The following FAAP100 variants were observed in gnomAD, a reference collection of about 807,000 sequenced individuals.
FAAP100 encodes Fanconi anemia core complex-associated protein 100.
In FAAP100, 46 loss-of-function variants were observed where a neutral mutation model predicts 65.8. That is an observed-to-expected ratio of 0.70 (90% CI 0.55 to 0.89). The LOEUF is 0.89. Among genes scored for constraint, FAAP100 ranks in the 40% least tolerant of loss-of-function variants. FAAP100 has a pLI of 0.00. For synonymous variants in FAAP100, 663 were observed against 555.1 expected, an observed-to-expected ratio of 1.19 and a Z score of -2.73; for missense variants, 1,165 against 1,196.7, an observed-to-expected ratio of 0.97 and a Z score of 0.39.
chr17:81,541,665 T>A (rs1222601555), intron 7 of FAAP100, among the ~76,000 whole-genome samples: 1 of 152,174 alleles, frequency 6.6e-6, no homozygotes, highest in African/African-American at 2.4e-5. Flanking sequence ...ATCTTCCCTG[T>A]CCCCAAGAGC....
At position 81,550,579 on chromosome 17, in the gene FAAP100, C is replaced by T. The variant is rs1240601198; in HGVS notation, c.915G>A (p.Glu305=). ...CCACCAGGCAGTCACAGTGCACATC[C>T]TCGTCAGGCAGAAAATTCTCTGCAG... The part of the protein sequence containing the change: ...AEAAENFLPD[E]DVHCDCLVAF... Residue 305 remains glutamate, a synonymous_variant, in exon 3 of 9, where the codon GAG becomes GAA. Coordinates refer to ENST00000327787, the MANE Select transcript of FAAP100 (RefSeq NM_025161.6). 1.9e-6 allele frequency: 3 copies of T among 1,612,808 alleles called. No individual in the cohort carries two copies. Among genetic ancestry groups the T allele is most frequent in the East Asian group, 2.2e-5 (1 of 44,888 alleles).
Position 81,544,031 on chromosome 17 carries a change from C to A in FAAP100, c.2400G>T (p.Ala800=), listed in dbSNP as rs546151332. ...GCATGCGCCCGACAACGGCATGGTG[C>A]GCCCTGCAAATGTCGGCCAGAGAGG... ...ESSSLADICR[A]HHAVVGRMQT... Residue 800 remains alanine (A), a synonymous_variant, in exon 7 of 9, where the codon GCG becomes GCT. Transcript: ENST00000327787. 1 of 1,612,540 alleles carries A rather than the reference C, an allele frequency of 6.2e-7. No homozygotes were observed. The highest frequency in any genetic ancestry group is 2.2e-5 in the East Asian group (1 of 44,878).
At chr17:81,541,173 T>C in intron 8 of FAAP100, 136 bp downstream of exon 8, 1 of 1,158,268 alleles carries the variant, frequency 8.6e-7, no homozygotes, top group Non-Finnish European at 1.2e-6. Flanking sequence ...CCGCTCGGAC[T>C]TTGCCCCAGG....
In FAAP100 at chr17:81,550,819, G is replaced by A. The variant is rs761687779; in HGVS notation, c.675C>T (p.Phe225=). 3.8e-5 allele frequency: 61 copies of A among 1,612,314 alleles called. No individual in the cohort carries two copies. The highest frequency in any genetic ancestry group is 3.7e-4 in the African/African-American group (28 of 75,046). ...SGGFTLEDAL[F]GLLFGADATL... ...TGGCATCAGCTCCAAAGAGGAGCCC[G>A]AAGAGGGCGTCCTCCAGCGTGAAGC... The change falls in exon 3 of 9, where the codon TTC becomes TTT. Residue 225 remains phenylalanine (F), a synonymous_variant. Transcript: ENST00000327787.
In FAAP100 at chr17:81,547,333, G is replaced by A. The variant is rs765278579; in HGVS notation, c.1749C>T (p.Pro583=). The change falls in exon 5 of 9, where the codon CCC becomes CCT. Residue 583 remains proline, a synonymous_variant. Transcript: ENST00000327787. The part of the protein sequence containing the change: ...GPGARREVTL[P]LGPGENGGLD... ...GCCCGCCGTTCTCACCAGGGCCCAG[G>A]GGTAGCGTCACCTCCCGCCGAGCAC... is the stretch of plus-strand genomic sequence containing the variant. 3 of 1,612,572 alleles carry A rather than the reference G, an allele frequency of 1.9e-6. No homozygotes were observed. Among genetic ancestry groups the A allele is most frequent in the East Asian group, 4.5e-5 (2 of 44,898 alleles).
chr17:81,552,084 G>A (rs771666951), intron 1 of FAAP100, 32 bp from the exon 2 acceptor site: 3 of 1,456,134 alleles, frequency 2.1e-6, no homozygotes, highest in Admixed American at 5.4e-5. Context: ...AGGCCGACGC[G>A]ACGCGCGGGC....
At chr17:81,552,735 T>C (rs1354344487), upstream of FAAP100, among the ~76,000 whole-genome samples, 1 of 152,146 alleles carries the variant, frequency 6.6e-6, no homozygotes, top group Non-Finnish European at 1.5e-5. Flanking sequence ...AACGCCTCGA[T>C]TCTCTGGGCT....
At chr17:81,543,872 C>T (rs2033201809) in intron 7 of FAAP100, 132 bp downstream of exon 7, 5 of 801,072 alleles carry the variant, frequency 6.2e-6, no homozygotes, top group South Asian at 3.4e-5. Flanking sequence ...AGCGGCAGAG[C>T]AGACTTGGAT....
chr17:81,543,557 G>A (rs1209770374), intron 7 of FAAP100, among the ~76,000 whole-genome samples: 1 of 152,136 alleles, frequency 6.6e-6, no homozygotes, highest in Non-Finnish European at 1.5e-5. Flanking sequence ...CTGGGGCTGT[G>A]AGTGGGGGGA....
rs1215532074 is a variant in FAAP100, at chr17:81,550,826, G to GCGT, written c.665_667dup (p.Asp222dup). ...AGCTCCAAAGAGGAGCCCGAAGAGG[G>GCGT]CGTCCTCCAGCGTGAAGCCCCCGGA... On this transcript the variant is annotated inframe_insertion, in exon 3 of 9. Transcript: ENST00000327787. 1.9e-6 allele frequency: 3 copies of GCGT among 1,612,140 alleles called. No homozygotes were observed. Among genetic ancestry groups the GCGT allele is most frequent in the Non-Finnish European group, 2.5e-6 (3 of 1,179,628 alleles).
At chr17:81,551,269 A>C in intron 2 of FAAP100, 66 bp from the exon 3 acceptor site, 2 of 1,417,996 alleles carry the variant, frequency 1.4e-6, no homozygotes, top group Non-Finnish European at 1.9e-6. Context: ...TCTTCACAAT[A>C]ACCTGGCATG....
At chr17:81,546,812 C>T in intron 5 of FAAP100, 97 bp downstream of exon 5, 3 of 1,225,600 alleles carry the variant, frequency 2.4e-6, no homozygotes, top group Non-Finnish European at 3.2e-6. Flanking sequence ...CATGATTGCA[C>T]CACTGCACTC....
rs765588878 is a variant in FAAP100 at position 81,547,698 on chromosome 17, C to A, written c.1404-20G>T. 3.1e-6 allele frequency: 5 copies of A among 1,604,806 alleles called. No individual in the cohort carries two copies. The highest frequency in any genetic ancestry group is 4.3e-6 in the Non-Finnish European group (5 of 1,176,066). On this transcript the variant is annotated intron_variant, in intron 4 of 8. Transcript: ENST00000327787. ...GACACTCTGCGAAGGACAGACATGACCCCCGGGAGCGGGGGGACACCCACA... is the reference window on the plus strand; with the variant it reads ...GACACTCTGCGAAGGACAGACATGAACCCCGGGAGCGGGGGGACACCCACA...
In FAAP100 at chr17:81,549,200, G is replaced by A; in HGVS notation, c.1403+6C>T. On this transcript the variant is annotated splice_donor_region_variant and intron_variant, in intron 4 of 8. Transcript: ENST00000327787. ...GCCTCTACCCGGTCCGAGCTGAGCT[G>A]CTCACCTCTCAGAGATGTTGCCAAT... 1 of 1,611,676 alleles carries A rather than the reference G, an allele frequency of 6.2e-7. No individual in the cohort carries two copies. The highest frequency in any genetic ancestry group is 8.5e-7 in the Non-Finnish European group (1 of 1,179,880).
intron 1 of FAAP100, 37 bp downstream of exon 1, chr17:81,552,129 C>G (rs1245931980): frequency 1.4e-6 from 2 of 1,478,792 alleles, no homozygotes; most frequent in Non-Finnish European, 1.8e-6. Context: ...CCGCCGCCCC[C>G]GCCCGGTCCC....
In FAAP100 at chr17:81,547,232, G is replaced by A. The variant is rs118085961; in HGVS notation, c.1850C>T (p.Ser617Leu). 4.3e-3 allele frequency: 6,791 copies of A among 1,582,966 alleles called. 11 individuals carry two copies. The highest frequency in any genetic ancestry group is 5.0e-3 in the Non-Finnish European group (5,815 of 1,161,772). Reference protein sequence around the residue: ...REVVGGALAPSDSEDPFLDEC... With the variant: ...REVVGGALAPLDSEDPFLDEC... Reference sequence around the variant, plus strand: ...ATCCAGAAAGGGGTCCTCAGAGTCTGAGGGGGCAAGGGCCCCGCCCACCAC... The same window carrying A: ...ATCCAGAAAGGGGTCCTCAGAGTCTAAGGGGGCAAGGGCCCCGCCCACCAC... The change falls in exon 5 of 9, where the codon TCA (serine) becomes TTA (leucine). Residue 617 changes from serine to leucine, a missense_variant. Ser to Leu is a moderately radical substitution (Grantham distance 145). Coordinates refer to ENST00000327787, the MANE Select transcript of FAAP100 (RefSeq NM_025161.6).
At chr17:81,541,467 G>T in intron 7 of FAAP100, 72 bp from the exon 8 acceptor site, 1 of 1,360,288 alleles carries the variant, frequency 7.4e-7, no homozygotes, top group South Asian at 1.2e-5. Context: ...GGAGCAGGGT[G>T]ACCCTCTCCC....
At position 81,540,908 on chromosome 17, in the gene FAAP100, T is replaced by TGCCAGC; in HGVS notation, c.2556_2557insGCTGGC (p.Cys852_Thr853insAlaGly). ...GCACAGGAGCTGGCCTCATCCTCCG[T>TGCCAGC]GCAGAGCCGGTCGCGCAGGGTCTGC... On this transcript the variant is annotated inframe_insertion, in exon 9 of 9. Coordinates refer to ENST00000327787, the MANE Select transcript of FAAP100 (RefSeq NM_025161.6). The TGCCAGC allele has an allele frequency of 6.3e-7, 1 of 1,591,402 alleles. No homozygotes were observed.
In FAAP100 at chr17:81,547,390, G is replaced by A. The variant is rs762948132; in HGVS notation, c.1692C>T (p.Thr564=). ...LDLDSACSAI[T]YTIPVDQLGP... ...CGAGCTGGTCCACGGGGATGGTGTA[G>A]GTGATGGCGGAGCAGGCCGAGTCCA... is the stretch of plus-strand genomic sequence containing the variant. The change falls in exon 5 of 9, where the codon ACC becomes ACT. Residue 564 remains threonine, a synonymous_variant. Coordinates refer to ENST00000327787, the MANE Select transcript of FAAP100 (RefSeq NM_025161.6). 1 of 1,612,898 alleles carries A rather than the reference G, an allele frequency of 6.2e-7. No individual in the cohort carries two copies. Among genetic ancestry groups the A allele is most frequent in the Admixed American group, 1.7e-5 (1 of 60,024 alleles).
Sources: allele counts gnomAD v4.1 joint callset (sites outside exome capture counted in the v4.1 genomes callset), GRCh38; gene constraint gnomAD v4.1.1; transcripts MANE v1.5; gene names NCBI Gene and HGNC (gene_info 2026-07-23, HGNC 2026-07-21).